The following PEAR1 variants were observed in gnomAD, a reference collection of about 807,000 sequenced individuals.
PEAR1 encodes multiple EGF-like domains protein 12.
PEAR1 carries 113 observed loss-of-function variants against 131.2 expected under a neutral mutation model. The ratio of observed to expected loss-of-function variants is 0.86; its 90% CI spans 0.74 to 1.01. The LOEUF (loss-of-function observed/expected upper bound fraction) is 1.01. PEAR1 is among the 50% of genes least tolerant of loss of function. The pLI, the probability that PEAR1 is intolerant of heterozygous loss-of-function variation, is 0.00. For synonymous variants in PEAR1, 565 were observed against 523.3 expected, an observed-to-expected ratio of 1.08 and a Z score of -1.09; for missense variants, 1,408 against 1,391.1, an observed-to-expected ratio of 1.01 and a Z score of -0.19.
chr1:156,914,236 A>C, intron 22 of PEAR1, 136 bp downstream of exon 22: 29 of 1,377,730 alleles, frequency 2.1e-5, no homozygotes, highest in Non-Finnish European at 2.7e-5. Flanking sequence ...CTTCGGGCTC[A>C]AATCAGGCAT....
At position 156,907,693 on chromosome 1, in the gene PEAR1, C is replaced by T. The variant is rs932493755; in HGVS notation, c.728C>T (p.Thr243Ile). 6.2e-6 allele frequency: 10 copies of T among 1,613,598 alleles called. No homozygotes were observed. Among genetic ancestry groups the T allele is most frequent in the Admixed American group, 1.7e-5 (1 of 59,956 alleles). Residue 243 changes from threonine (T) to isoleucine (I), a missense_variant, in exon 7 of 23, where the codon ACC (threonine) becomes ATC (isoleucine). Thr to Ile is a moderately conservative substitution (Grantham distance 89). Coordinates refer to ENST00000292357, the MANE Select transcript of PEAR1 (RefSeq NM_001080471.3). Reference protein sequence around the residue: ...HSCQNGGVFQTPQGSCSCPPG... With the variant: ...HSCQNGGVFQIPQGSCSCPPG... ...TGCCAAAATGGAGGTGTCTTCCAAACCCCACAGGGCTCCTGCAGCTGCCCC... is the reference window on the plus strand; with the variant it reads ...TGCCAAAATGGAGGTGTCTTCCAAATCCCACAGGGCTCCTGCAGCTGCCCC...
intron 1 of PEAR1, among the ~76,000 whole-genome samples, chr1:156,895,510 C>A (rs1310257359): frequency 1.3e-5 from 2 of 152,154 alleles, no homozygotes. Flanking sequence ...ATCTAACCTA[C>A]AGGGGAGAAG....
At chr1:156,900,340 A>G (rs1649560931) in intron 1 of PEAR1, among the ~76,000 whole-genome samples, 1 of 151,514 alleles carries the variant, frequency 6.6e-6, no homozygotes. Context: ...CTCCTGTCCA[A>G]TCCCCTGGCA....
chr1:156,898,134 C>T (rs1325428399), intron 1 of PEAR1, among the ~76,000 whole-genome samples: 5 of 152,164 alleles, frequency 3.3e-5, no homozygotes, highest in African/African-American at 9.7e-5. Flanking sequence ...TTACCTGAGA[C>T]CCTCCACTGT....
chr1:156,895,523 A>C (rs1465698947), intron 1 of PEAR1, among the ~76,000 whole-genome samples: 1 of 152,244 alleles, frequency 6.6e-6, no homozygotes, highest in Non-Finnish European at 1.5e-5. Context: ...GGGAGAAGCC[A>C]GAAGGAAGAG....
At position 156,913,966 on chromosome 1, in the gene PEAR1, AC is replaced by A; in HGVS notation, c.2829del (p.Tyr943Ter). ...SLPGGPRESS[Y>X]MEMKGPPSGS... ...CCAGGGGGCCCCCGGGAGAGCAGCT[AC>A]ATGGAGATGAAAGGCCCTCCCTCAG... On this transcript the variant is annotated frameshift_variant, in exon 22 of 23. Transcript: ENST00000292357. LOFTEE classifies it high-confidence loss of function. 1 of 1,614,014 alleles carries A rather than the reference AC, an allele frequency of 6.2e-7. No homozygotes were observed. The highest frequency in any genetic ancestry group is 1.1e-5 in the South Asian group (1 of 91,058).
At position 156,905,089 on chromosome 1, in the gene PEAR1, G is replaced by A. The variant is rs868397991; in HGVS notation, c.207-235G>A. ...AGTATATGCCTGTGGGGTTGGGGGG[G>A]GGGCAAGAAGGGAATGCTCTTTCTT... On this transcript the variant is annotated intron_variant, in intron 3 of 22. Transcript: ENST00000292357. The A allele has an allele frequency of 2.5e-5, 33 of 1,309,272 alleles. No homozygotes were observed. The Middle Eastern group carries it at 5.7e-4, about 23-fold the overall frequency. The allele number at this position is 1,309,272 out of a possible 1,614,324, so 81.1% of individuals were successfully genotyped here.
At chr1:156,904,876 G>A (rs761041561) in intron 3 of PEAR1, 24 bp downstream of exon 3, 1 of 1,613,798 alleles carries the variant, frequency 6.2e-7, no homozygotes, top group Non-Finnish European at 8.5e-7. Context: ...ATCCTCCATG[G>A]GTGGATGGGC....
At chr1:156,894,907 G>A (rs950553912) in intron 1 of PEAR1, among the ~76,000 whole-genome samples, 7 of 152,330 alleles carry the variant, frequency 4.6e-5, no homozygotes, top group East Asian at 3.9e-4. Flanking sequence ...GGTTGGAGAC[G>A]GGGGAGCTCA....
chr1:156,914,491 C>T (rs936504440), intron 22 of PEAR1, among the ~76,000 whole-genome samples, 156 bp from the exon 23 acceptor site: 4 of 152,348 alleles, frequency 2.6e-5, no homozygotes, highest in East Asian at 1.9e-4. Context: ...TGGAGCCGCA[C>T]GGCCAGCTGA....
intron 1 of PEAR1, among the ~76,000 whole-genome samples, chr1:156,896,722 C>T (rs1409505679): frequency 6.6e-6 from 1 of 152,156 alleles, no homozygotes; most frequent in Non-Finnish European, 1.5e-5. Flanking sequence ...GGGGTGTTGG[C>T]CCTGGATGGG....
intron 21 of PEAR1, 39 bp downstream of exon 21, chr1:156,913,799 G>A: frequency 1.2e-6 from 2 of 1,612,038 alleles, no homozygotes; most frequent in East Asian, 2.2e-5. Flanking sequence ...GGCTGAGCTG[G>A]GGCTGAGGAA....
intron 15 of PEAR1, among the ~76,000 whole-genome samples, chr1:156,911,510 C>T (rs1651203189): frequency 6.6e-6 from 1 of 152,074 alleles, no homozygotes; most frequent in Admixed American, 6.5e-5. Flanking sequence ...TCTCGAACTC[C>T]TGACCTCAGG....
Position 156,910,307 on chromosome 1 carries a change from TG to T in PEAR1, c.1757del (p.Gly586AlafsTer99). ...NCSNTCTCKNGGTCLPENGNC... is the reference protein window; with the variant it reads ...NCSNTCTCKNXGTCLPENGNC... ...GTAGCAACACCTGCACCTGCAAGAA[TG>T]GGGGCACCTGTCTCCCTGAGAATGG... is the stretch of plus-strand genomic sequence containing the variant. On this transcript the variant is annotated frameshift_variant, in exon 14 of 23. Coordinates refer to ENST00000292357, the MANE Select transcript of PEAR1 (RefSeq NM_001080471.3). LOFTEE classifies it high-confidence loss of function. The T allele has an allele frequency of 3.7e-6, 6 of 1,613,512 alleles. No individual in the cohort carries two copies. Among genetic ancestry groups the T allele is most frequent in the East Asian group, 2.2e-5 (1 of 44,870 alleles).
rs1419535960 is a variant in PEAR1 at position 156,908,062 on chromosome 1, T to C, written c.902+11T>C. ...TTACACTGGGGATCGGTGAGTGGCG[T>C]GGGGCGGGCGGGAGACGGGAGGGAG... On this transcript the variant is annotated intron_variant, in intron 8 of 22. Coordinates refer to ENST00000292357, the MANE Select transcript of PEAR1 (RefSeq NM_001080471.3). The surrounding 1 kb of genome is among the most constrained non-coding windows in gnomAD (Gnocchi z 4.2). The C allele has an allele frequency of 3.8e-6, 3 of 797,818 alleles. No individual in the cohort carries two copies. Among genetic ancestry groups the C allele is most frequent in the East Asian group, 3.1e-5 (1 of 32,768 alleles). 49.4% of individuals were successfully genotyped at this position (797,818 alleles called of 1,614,324 possible). A position where few individuals can be genotyped will look rare whatever the true frequency, so the allele number is the denominator to read the frequency against.
At chr1:156,909,641 C>T in intron 11 of PEAR1, 110 bp from the exon 12 acceptor site, 1 of 1,272,280 alleles carries the variant, frequency 7.9e-7, no homozygotes, top group Non-Finnish European at 1.1e-6. Flanking sequence ...GTGAACACCC[C>T]CCACCCACCC....
chr1:156,910,261 A>ATG lies in PEAR1; in HGVS notation c.1706_1707insTG (p.Glu569AspfsTer117). On this transcript the variant is annotated frameshift_variant, in exon 14 of 23. Transcript: ENST00000292357. LOFTEE classifies it high-confidence loss of function. ...GCCCGCTGCCACCTGTCCTGCCCTG[A>ATG]GGGCTTATGGGGAGTCAACTGTAGC... The ATG allele has an allele frequency of 6.2e-7, 1 of 1,612,944 alleles. No homozygotes were observed. The highest frequency in any genetic ancestry group is 8.5e-7 in the Non-Finnish European group (1 of 1,179,428).
At chr1:156,897,061 G>T (rs1176304419) in intron 1 of PEAR1, among the ~76,000 whole-genome samples, 1 of 152,208 alleles carries the variant, frequency 6.6e-6, no homozygotes, top group Non-Finnish European at 1.5e-5. Flanking sequence ...TCCTGGGAAA[G>T]TCAAGGAGCA....
At position 156,914,825 on chromosome 1, in the gene PEAR1, A is replaced by G. The variant is rs1651717675; in HGVS notation, c.*27A>G. The G allele has an allele frequency of 1.2e-6, 2 of 1,612,034 alleles. No homozygotes were observed. Among genetic ancestry groups the G allele is most frequent in the African/African-American group, 2.7e-5 (2 of 74,928 alleles). On this transcript the variant is annotated 3_prime_UTR_variant, in exon 23 of 23. Transcript: ENST00000292357. ...GAGCCAGGATGGTATGGCAGAGGCCAGCACACCTGGCTGTTGCTGCTCAAG... is the reference window on the plus strand; with the variant it reads ...GAGCCAGGATGGTATGGCAGAGGCCGGCACACCTGGCTGTTGCTGCTCAAG...
Sources: allele counts gnomAD v4.1 joint callset (sites outside exome capture counted in the v4.1 genomes callset), GRCh38; gene constraint gnomAD v4.1.1; non-coding constraint Gnocchi (gnomAD v3.1); transcripts MANE v1.5; gene names NCBI Gene and HGNC (gene_info 2026-07-23, HGNC 2026-07-21).